Variants in NPHS2 observed in about 807,000 individuals in gnomAD.
The protein encoded by NPHS2 is NPHS2 stomatin family member, podocin, also known as podocin.
A neutral mutation model predicts 37.1 loss-of-function variants in NPHS2; 36 were observed. That is an observed-to-expected ratio of 0.97 (90% CI 0.74 to 1.28). The LOEUF is 1.28. Among genes scored for constraint, NPHS2 ranks in the 50% most tolerant of loss-of-function variants. The pLI, the probability that NPHS2 is intolerant of heterozygous loss-of-function variation, is 0.00. For synonymous variants in NPHS2, 196 were observed against 189.3 expected (o/e 1.04, Z -0.29); for missense variants, 447 against 488.1 (o/e 0.92, Z 0.79).
At chr1:179,557,298 A>G (rs1673973147) in intron 4 of NPHS2, 68 bp from the exon 5 acceptor site, 3 of 1,254,432 alleles carry the variant, frequency 2.4e-6, no homozygotes, top group Non-Finnish European at 3.5e-6. Context: ...GGTTAGAGGA[A>G]CTAAATGTGT....
At chr1:179,573,884 G>T (rs1674658389) in intron 1 of NPHS2, among the ~76,000 whole-genome samples, 1 of 152,134 alleles carries the variant, frequency 6.6e-6, no homozygotes, top group Non-Finnish European at 1.5e-5. Flanking sequence ...CAACTTGTTT[G>T]GTTTAAGTGA....
At position 179,571,587 on chromosome 1, in the gene NPHS2, C is replaced by G. The variant is rs139106754; in HGVS notation, c.274+4004G>C. Among the ~76,000 whole-genome samples the G allele has an allele frequency of 9.1e-3, 1,381 of 152,332 alleles. 44 individuals carry two copies. The highest frequency in any genetic ancestry group is 0.062 in the East Asian group (319 of 5,172). On this transcript the variant is annotated intron_variant, in intron 1 of 7. Coordinates refer to ENST00000367615, the MANE Select transcript of NPHS2 (RefSeq NM_014625.4). ...AGCTCAAACGCTGTGCTGGGAGAACCACTGCTCTCTTCAGAGCTGTCAGAC... is the reference window on the plus strand; with the variant it reads ...AGCTCAAACGCTGTGCTGGGAGAACGACTGCTCTCTTCAGAGCTGTCAGAC...
Position 179,559,807 on chromosome 1 carries a change from G to A in NPHS2, c.452-46C>T, listed in dbSNP as rs12401711. On this transcript the variant is annotated intron_variant, in intron 3 of 7. Coordinates refer to ENST00000367615, the MANE Select transcript of NPHS2 (RefSeq NM_014625.4). ...GTGACAGATAAATAGCTAGCATGAA[G>A]GCTGTTTGGGTTTCACCTTTCTGGG... The A allele has an allele frequency of 0.25, 334,292 of 1,330,488 alleles. 44,859 individuals carry two copies. Among genetic ancestry groups the A allele is most frequent in the Non-Finnish European group, 0.27 (257,408 of 946,936 alleles). The allele number at this position is 1,330,488 out of a possible 1,614,324, so 82.4% of individuals were successfully genotyped here.
chr1:179,551,149 C>A lies in NPHS2; in HGVS notation c.*24G>T. Reference sequence around the variant, plus strand: ...GACTTTTCTATGGCAGGCCCCTTTACAGTCACATTATGCCCCATCCTTCCT... The same window carrying A: ...GACTTTTCTATGGCAGGCCCCTTTAAAGTCACATTATGCCCCATCCTTCCT... On this transcript the variant is annotated 3_prime_UTR_variant, in exon 8 of 8. Transcript: ENST00000367615. The A allele has an allele frequency of 1.2e-6, 2 of 1,613,214 alleles. No homozygotes were observed. The highest frequency in any genetic ancestry group is 1.7e-6 in the Non-Finnish European group (2 of 1,179,876).
At chr1:179,567,922 G>A (rs1674398007) in intron 1 of NPHS2, among the ~76,000 whole-genome samples, 1 of 152,044 alleles carries the variant, frequency 6.6e-6, no homozygotes, top group Non-Finnish European at 1.5e-5. Context: ...AAGCCAACTT[G>A]ATCGTGGTGG....
At chr1:179,557,314 G>A in intron 4 of NPHS2, 84 bp from the exon 5 acceptor site, 1 of 1,097,094 alleles carries the variant, frequency 9.1e-7, no homozygotes, top group Non-Finnish European at 1.4e-6. Context: ...TGTGTTCAAA[G>A]TGAATTTTCT....
rs1357929582 is a variant in NPHS2 at position 179,564,737 on chromosome 1, G to A, written c.331C>T (p.Leu111Phe). ...AAAGGGAAGGTCATGATGATGAAGA[G>A]CAGGGAAATGAGGACAAGAAGCCAC... ...CEWLLVLISL[L>F]FIIMTFPFSI... The change falls in exon 2 of 8, where the codon CTC (leucine) becomes TTC (phenylalanine). Residue 111 changes from leucine to phenylalanine, a missense_variant. By Grantham distance (22) the Leu-to-Phe change is conservative. Transcript: ENST00000367615. 4 of 1,614,002 alleles carry A rather than the reference G, an allele frequency of 2.5e-6. No individual in the cohort carries two copies. The highest frequency in any genetic ancestry group is 2.7e-5 in the African/African-American group (2 of 74,898).
At chr1:179,551,486 C>T (rs1228975567) in intron 7 of NPHS2, 35 bp from the exon 8 acceptor site, 4 of 1,611,554 alleles carry the variant, frequency 2.5e-6, no homozygotes, top group Non-Finnish European at 2.5e-6. Flanking sequence ...AGTGATTGTT[C>T]TTCATTCCCT....
At chr1:179,559,078 A>G (rs543447515) in intron 4 of NPHS2, among the ~76,000 whole-genome samples, 10 of 152,320 alleles carry the variant, frequency 6.6e-5, no homozygotes, top group African/African-American at 2.4e-4. Context: ...TCATGTGCTT[A>G]TGGAAGCCAG....
chr1:179,575,825 C>A lies in NPHS2; in HGVS notation c.40G>T (p.Gly14Trp). ...TTGTGCGGAGTCCTGCCGCCTCGCC[C>A]GCGGGACTCCCTGGAGGAGCTCCGC... ...RARSSSRESR[G>W]RGGRTPHKEN... Residue 14 changes from glycine (G) to tryptophan (W), a missense_variant, in exon 1 of 8, where the codon GGG becomes TGG. Transcript: ENST00000367615. The A allele has an allele frequency of 6.9e-7, 1 of 1,457,576 alleles. No homozygotes were observed. Among genetic ancestry groups the A allele is most frequent in the Non-Finnish European group, 9.0e-7 (1 of 1,115,328 alleles). 90.3% of individuals were successfully genotyped at this position (1,457,576 alleles called of 1,614,324 possible). A position where few individuals can be genotyped will look rare whatever the true frequency, so the allele number is the denominator to read the frequency against.
chr1:179,551,961 A>T (rs184323839), intron 7 of NPHS2: 1 of 172,036 alleles, frequency 5.8e-6, no homozygotes. Flanking sequence ...GCCTCCCCTC[A>T]GTGATCCACA....
At chr1:179,572,063 A>G (rs1674585259) in intron 1 of NPHS2, among the ~76,000 whole-genome samples, 1 of 152,156 alleles carries the variant, frequency 6.6e-6, no homozygotes, top group Admixed American at 6.5e-5. Flanking sequence ...CTCACCCTCC[A>G]TGGGCTGCAC....
At position 179,575,714 on chromosome 1, in the gene NPHS2, C is replaced by T. The variant is rs911929132; in HGVS notation, c.151G>A (p.Ala51Thr). ...AGPEPSGSGR[A>T]GTPGEPRAPA... ...GCTCGGGGCTCCCCCGGGGTCCCCG[C>T]CCGTCCGGAGCCCGACGGCTCGGGC... Residue 51 changes from alanine (A) to threonine (T), a missense_variant, in exon 1 of 8, where the codon GCG becomes ACG. By Grantham distance (58) the Ala-to-Thr change is moderately conservative. Transcript: ENST00000367615. 1 of 1,557,710 alleles carries T rather than the reference C, an allele frequency of 6.4e-7. No individual in the cohort carries two copies. Among genetic ancestry groups the T allele is most frequent in the Admixed American group, 1.9e-5 (1 of 53,010 alleles).
Position 179,564,731 on chromosome 1 carries a change from T to G in NPHS2, c.337A>C (p.Ile113Leu). 1 of 1,613,936 alleles carries G rather than the reference T, an allele frequency of 6.2e-7. No individual in the cohort carries two copies. The highest frequency in any genetic ancestry group is 8.5e-7 in the Non-Finnish European group (1 of 1,179,978). ...ATGGAAAAAGGGAAGGTCATGATGA[T>G]GAAGAGCAGGGAAATGAGGACAAGA... is the stretch of plus-strand genomic sequence containing the variant. ...WLLVLISLLF[I>L]IMTFPFSIWF... is the part of the protein sequence containing the mutation. The change falls in exon 2 of 8, where the codon ATC (isoleucine) becomes CTC (leucine). Residue 113 changes from isoleucine to leucine, a missense_variant. By Grantham distance (5) the Ile-to-Leu change is conservative (BLOSUM62 2). Transcript: ENST00000367615.
At chr1:179,569,475 T>C (rs968420680) in intron 1 of NPHS2, among the ~76,000 whole-genome samples, 3 of 152,220 alleles carry the variant, frequency 2.0e-5, no homozygotes, top group Non-Finnish European at 4.4e-5. Flanking sequence ...AGCACACCGA[T>C]GGGTCTTGAC....
At chr1:179,560,242 T>C (rs16854342) in intron 3 of NPHS2, among the ~76,000 whole-genome samples, 1,926 of 152,294 alleles carry the variant, frequency 0.013, 43 homozygotes, top group African/African-American at 0.045. Context: ...GAATAGCAAT[T>C]ATCATGATAC....
At chr1:179,574,187 A>G (rs548504211) in intron 1 of NPHS2, among the ~76,000 whole-genome samples, 2 of 152,262 alleles carry the variant, frequency 1.3e-5, no homozygotes, top group Admixed American at 6.5e-5. Flanking sequence ...CTGAGGCCCA[A>G]AAAGGTGCCC....
chr1:179,559,681 C>T lies in NPHS2; in HGVS notation c.532G>A (p.Glu178Lys). The change falls in exon 4 of 8, where the codon GAG becomes AAG. Residue 178 changes from glutamate to lysine, a missense_variant and splice_region_variant. Physicochemically the swap from Glu to Lys is moderately conservative, Grantham distance 56. Transcript: ENST00000367615. Reference protein sequence around the residue: ...RLQTLEIPFHEIVTKDMFIME... With the variant: ...RLQTLEIPFHKIVTKDMFIME... The stretch of plus-strand genomic sequence containing the variant: ...GCAAAAGCCATCATTTGGCTTACCT[C>T]ATGAAAAGGTATCTCCAGAGTTTGG... The T allele has an allele frequency of 6.3e-7, 1 of 1,579,154 alleles. No individual in the cohort carries two copies. The highest frequency in any genetic ancestry group is 8.6e-7 in the Non-Finnish European group (1 of 1,157,854).
intron 5 of NPHS2, among the ~76,000 whole-genome samples, chr1:179,555,352 G>A (rs1673868238): frequency 6.6e-6 from 1 of 152,142 alleles, no homozygotes; most frequent in Non-Finnish European, 1.5e-5. Context: ...TGATGCTGGT[G>A]GTTCCAGTTT....
Sources: gnomAD v4.1 joint callset for allele counts (sites outside exome capture counted in the v4.1 genomes callset) on GRCh38, gnomAD v4.1.1 for gene constraint, MANE v1.5 for transcripts, NCBI Gene and HGNC (gene_info 2026-07-23, HGNC 2026-07-21) for gene names.